The following RAP1GDS1 variants were observed in gnomAD, a reference collection of about 807,000 sequenced individuals.
RAP1GDS1 encodes Rap1 GTPase-GDP dissociation stimulator 1.
A neutral mutation model predicts 71.1 loss-of-function variants in RAP1GDS1; 35 were observed. That is an observed-to-expected ratio of 0.49 (90% CI 0.38 to 0.65). The LOEUF is 0.65. Ranked by LOEUF, RAP1GDS1 falls within the 30% of genes least tolerant of loss-of-function variation. The probability of loss-of-function intolerance (pLI) is 0.00; values close to 1 mark genes in which losing one functional copy is unlikely to be tolerated. For synonymous variants in RAP1GDS1, 229 were observed against 243.1 expected, an observed-to-expected ratio of 0.94 and a Z score of 0.54; for missense variants, 663 against 706.1, an observed-to-expected ratio of 0.94 and a Z score of 0.69.
chr4:98,279,279 C>T (rs1187368040), intron 1 of RAP1GDS1, among the ~76,000 whole-genome samples: 1 of 151,828 alleles, frequency 6.6e-6, no homozygotes, highest in African/African-American at 2.4e-5. Context: ...TATATTTTTT[C>T]TAAGGAACAT....
At chr4:98,269,659 A>ATTCAAAATCTGAAATGT (rs1553957198) in intron 1 of RAP1GDS1, among the ~76,000 whole-genome samples, 9 of 152,190 alleles carry the variant, frequency 5.9e-5, no homozygotes, top group African/African-American at 1.9e-4. Context: ...AGGATCCCTA[A>ATTCAAAATCTGAAATGT]TTCAAAATCT....
chr4:98,277,776 C>T (rs1560759887), intron 1 of RAP1GDS1, among the ~76,000 whole-genome samples: 1 of 152,216 alleles, frequency 6.6e-6, no homozygotes, highest in Non-Finnish European at 1.5e-5. Context: ...GGTCATGCTA[C>T]TACTCTTAAC....
chr4:98,391,478 T>G (rs956726413), intron 5 of RAP1GDS1, among the ~76,000 whole-genome samples: 1 of 152,162 alleles, frequency 6.6e-6, no homozygotes, highest in Non-Finnish European at 1.5e-5. Flanking sequence ...TAAATATTTT[T>G]AATTTTGTAT....
At chr4:98,404,236 G>A (rs1446576644) in intron 6 of RAP1GDS1, among the ~76,000 whole-genome samples, 1 of 152,088 alleles carries the variant, frequency 6.6e-6, no homozygotes, top group East Asian at 1.9e-4. Flanking sequence ...TAGTAATTTT[G>A]TTGTTGCTGT....
chr4:98,262,845 G>A (rs1378309231), intron 1 of RAP1GDS1, among the ~76,000 whole-genome samples: 2 of 152,328 alleles, frequency 1.3e-5, no homozygotes, highest in African/African-American at 2.4e-5. Context: ...TTCAGGCTTT[G>A]ATCCCGACCT....
chr4:98,410,444 A>G (rs1746880042), intron 7 of RAP1GDS1, among the ~76,000 whole-genome samples: 2 of 152,140 alleles, frequency 1.3e-5, no homozygotes, highest in Admixed American at 1.3e-4. Context: ...GGGAGTGTAA[A>G]TTGGTACAAT....
chr4:98,320,256 A>T (rs1016168154), intron 2 of RAP1GDS1, among the ~76,000 whole-genome samples: 2 of 152,214 alleles, frequency 1.3e-5, no homozygotes, highest in African/African-American at 2.4e-5. Context: ...AGCAATAATT[A>T]AATCCAACAC....
At chr4:98,392,543 A>C (rs959738023) in intron 6 of RAP1GDS1, among the ~76,000 whole-genome samples, 4 of 152,150 alleles carry the variant, frequency 2.6e-5, no homozygotes, top group Non-Finnish European at 5.9e-5. Flanking sequence ...TTTACAAAAA[A>C]TACAAAAATT....
chr4:98,381,191 A>C (rs1741956254), intron 5 of RAP1GDS1, among the ~76,000 whole-genome samples: 1 of 151,678 alleles, frequency 6.6e-6, no homozygotes, highest in African/African-American at 2.4e-5. Flanking sequence ...ATATTATTAG[A>C]CAAATGGTCT....
In RAP1GDS1 at chr4:98,443,015, ATTT is replaced by A. The variant is rs397994660; in HGVS notation, c.*919_*921del. The A allele has an allele frequency of 1.8e-3, 246 of 137,576 alleles. No homozygotes were observed. Among genetic ancestry groups the A allele is most frequent in the Middle Eastern group, 9.7e-3 (4 of 414 alleles). 8.5% of individuals were successfully genotyped at this position (137,576 alleles called of 1,614,324 possible). ...TGAGTATAGTTCATTGAAGAATGGA[ATTT>A]TTTTTTTTTTTTTTTTTTTTGCTGT... On this transcript the variant is annotated 3_prime_UTR_variant, in exon 15 of 15. Coordinates refer to ENST00000408927, the MANE Select transcript of RAP1GDS1 (RefSeq NM_001100427.2).
intron 6 of RAP1GDS1, among the ~76,000 whole-genome samples, chr4:98,403,352 G>A (rs1380895834): frequency 3.3e-5 from 5 of 152,130 alleles, no homozygotes; most frequent in African/African-American, 9.7e-5. Context: ...GATTTGGGTT[G>A]GATTTTGGAG....
chr4:98,398,234 AAAAG>A (rs1266001692), intron 6 of RAP1GDS1, among the ~76,000 whole-genome samples: 1 of 152,062 alleles, frequency 6.6e-6, no homozygotes, highest in Non-Finnish European at 1.5e-5. Flanking sequence ...AAGGAAAAAA[AAAAG>A]GAGATAGAAA....
chr4:98,327,565 G>A (rs561839961), intron 2 of RAP1GDS1, among the ~76,000 whole-genome samples: 1 of 152,120 alleles, frequency 6.6e-6, no homozygotes, highest in Non-Finnish European at 1.5e-5. Flanking sequence ...TGTTTGTTAG[G>A]ATTTTTTTGT....
chr4:98,364,735 A>G (rs1560905848), intron 4 of RAP1GDS1, among the ~76,000 whole-genome samples: 1 of 152,034 alleles, frequency 6.6e-6, no homozygotes, highest in African/African-American at 2.4e-5. Context: ...AAAAAAAAGT[A>G]TGATGTGAGG....
At chr4:98,393,817 GA>G (rs1262708811) in intron 6 of RAP1GDS1, among the ~76,000 whole-genome samples, 1 of 152,116 alleles carries the variant, frequency 6.6e-6, no homozygotes, top group African/African-American at 2.4e-5. Context: ...TTCATATGTT[GA>G]TTGCATGTTG....
intron 5 of RAP1GDS1, among the ~76,000 whole-genome samples, chr4:98,382,880 C>T (rs574697413): frequency 4.0e-5 from 6 of 151,626 alleles, no homozygotes; most frequent in African/African-American, 1.2e-4. Context: ...TCCTTATCTA[C>T]GTATGATACA....
intron 6 of RAP1GDS1, among the ~76,000 whole-genome samples, chr4:98,397,764 GC>G (rs1744766370): frequency 6.6e-6 from 1 of 152,240 alleles, no homozygotes; most frequent in Non-Finnish European, 1.5e-5. Flanking sequence ...AGAATGCTAT[GC>G]TTCTTGTCAG....
Position 98,364,720 on chromosome 4 carries a change from T to A in RAP1GDS1, c.361+12119T>A, listed in dbSNP as rs529898817. On this transcript the variant is annotated intron_variant, in intron 4 of 14. Coordinates refer to ENST00000408927, the MANE Select transcript of RAP1GDS1 (RefSeq NM_001100427.2). The stretch of plus-strand genomic sequence containing the variant: ...TTTTTCCAAGTATAAAAGCTTTATT[T>A]AAAAAAAAAAAAGTATGATGTGAGG... Among the ~76,000 whole-genome samples the A allele has an allele frequency of 7.5e-5, 11 of 146,224 alleles. No homozygotes were observed. The East Asian group carries it at 2.2e-3, about 29-fold the overall frequency.
chr4:98,397,118 T>A (rs1744659560), intron 6 of RAP1GDS1, among the ~76,000 whole-genome samples: 1 of 152,194 alleles, frequency 6.6e-6, no homozygotes, highest in Non-Finnish European at 1.5e-5. Context: ...TTGTTATTTA[T>A]GCACAATAAT....
Sources: allele counts gnomAD v4.1 joint callset (sites outside exome capture counted in the v4.1 genomes callset), GRCh38; gene constraint gnomAD v4.1.1; transcripts MANE v1.5; gene names NCBI Gene and HGNC (gene_info 2026-07-23, HGNC 2026-07-21).